The following VPS13B variants were observed in gnomAD, a reference collection of about 807,000 sequenced individuals.
The protein encoded by VPS13B is vacuolar protein sorting 13 homolog B.
Under a neutral mutation model 426.4 loss-of-function variants are expected in VPS13B, and 285 were observed. The observed-to-expected ratio is 0.67, with a 90% confidence interval of 0.61 to 0.74. VPS13B has a LOEUF of 0.74. Ranked by LOEUF, VPS13B falls within the 30% of genes least tolerant of loss-of-function variation. VPS13B has a pLI of 0.00. For missense variants in VPS13B, 4,537 were observed against 4,782.6 expected (o/e 0.95, Z 1.51); for synonymous variants, 1,676 against 1,676.4 (o/e 1.00, Z 0.01).
At position 99,209,295 on chromosome 8, in the gene VPS13B, A is replaced by C. The variant is rs1001250483; in HGVS notation, c.2515+16238A>C. On this transcript the variant is annotated intron_variant, in intron 17 of 61. Transcript: ENST00000357162. ...AGGCTCCATCTCAAAAAAAAAACAA[A>C]ACAAAAAACAAAACCGAAATAATGC... 1.6e-4 allele frequency among the ~76,000 whole-genome samples: 24 copies of C among 151,604 alleles called. No individual in the cohort carries two copies. In the East Asian group the frequency reaches 4.4e-3, roughly 28 times the overall value.
chr8:99,193,140 T>A, intron 17 of VPS13B, 83 bp downstream of exon 17: 4 of 1,344,338 alleles, frequency 3.0e-6, no homozygotes, highest in Non-Finnish European at 3.1e-6. Flanking sequence ...TCCATATGTC[T>A]AGCATGGTCA....
At chr8:99,510,790 G>C (rs1056424270) in intron 28 of VPS13B, among the ~76,000 whole-genome samples, 9 of 152,142 alleles carry the variant, frequency 5.9e-5, no homozygotes, top group African/African-American at 2.2e-4. Flanking sequence ...GGGATTACAG[G>C]CATGAGCTAC....
rs1401853581 is a variant in VPS13B, at chr8:99,392,992, CATAAAGGTTT to C, written c.3082+1293_3082+1302del. On this transcript the variant is annotated intron_variant, in intron 21 of 61. Coordinates refer to ENST00000357162, the MANE Select transcript of VPS13B (RefSeq NM_152564.5). The stretch of plus-strand genomic sequence containing the variant: ...TTTAAGAGTTAGAGTTTAGGTTTTA[CATAAAGGTTT>C]ATAATTGAGCTGTTAATTTACATAA... 2.3e-4 allele frequency among the ~76,000 whole-genome samples: 35 copies of C among 151,778 alleles called. No individual in the cohort carries two copies. In the East Asian group the frequency reaches 3.7e-3, roughly 16 times the overall value.
At chr8:99,537,975 T>C (rs563275507) in intron 30 of VPS13B, among the ~76,000 whole-genome samples, 1 of 152,314 alleles carries the variant, frequency 6.6e-6, no homozygotes. Flanking sequence ...ATCGACCTAG[T>C]GATTGTGATT....
In VPS13B at chr8:99,861,943, C is replaced by A; in HGVS notation, c.11212C>A (p.Leu3738Ile). 6.3e-7 allele frequency: 1 copy of A among 1,590,446 alleles called. No homozygotes were observed. The highest frequency in any genetic ancestry group is 8.5e-7 in the Non-Finnish European group (1 of 1,170,234). ...CCTGTCCCGGCTGGGCATCAGCCTG[C>A]TTGGTAAGGGGCTGCGGGGCCTCCC... is the stretch of plus-strand genomic sequence containing the variant. ...QGLSRLGISL[L>I]GAIAGIVDQP... is the part of the protein sequence containing the mutation. The change falls in exon 58 of 62, where the codon CTT becomes ATT. Residue 3738 changes from leucine (L) to isoleucine (I), a missense_variant. By Grantham distance (5) the Leu-to-Ile change is conservative (BLOSUM62 2). Coordinates refer to ENST00000357162, the MANE Select transcript of VPS13B (RefSeq NM_152564.5).
intron 17 of VPS13B, among the ~76,000 whole-genome samples, chr8:99,215,518 A>G (rs1385140218): frequency 2.6e-5 from 4 of 152,204 alleles, no homozygotes; most frequent in Non-Finnish European, 5.9e-5. Flanking sequence ...GCAATGTAGT[A>G]AGGATACATA....
intron 3 of VPS13B, among the ~76,000 whole-genome samples, chr8:99,044,853 T>C (rs1477764421): frequency 1.4e-5 from 2 of 139,792 alleles, no homozygotes; most frequent in African/African-American, 5.5e-5. Context: ...TTCCATTTTA[T>C]ACACACACAC....
At chr8:99,253,147 T>C (rs563942018) in intron 17 of VPS13B, among the ~76,000 whole-genome samples, 1 of 152,286 alleles carries the variant, frequency 6.6e-6, no homozygotes, top group South Asian at 2.1e-4. Context: ...AGTTTATTCT[T>C]GTTGTAGTAT....
intron 54 of VPS13B, among the ~76,000 whole-genome samples, chr8:99,840,980 A>T (rs1455398103): frequency 6.6e-6 from 1 of 152,158 alleles, no homozygotes; most frequent in Non-Finnish European, 1.5e-5. Context: ...GTTGGCACTG[A>T]CTTCTGAATG....
chr8:99,320,709 A>G (rs1809927862), intron 19 of VPS13B, among the ~76,000 whole-genome samples: 1 of 152,232 alleles, frequency 6.6e-6, no homozygotes, highest in African/African-American at 2.4e-5. Context: ...CCTTACAAGT[A>G]TTTTATCCCA....
Position 99,853,660 on chromosome 8 carries a change from G to C in VPS13B, c.10271G>C (p.Cys3424Ser). 2 of 1,614,010 alleles carry C rather than the reference G, an allele frequency of 1.2e-6. No individual in the cohort carries two copies. The highest frequency in any genetic ancestry group is 1.7e-6 in the Non-Finnish European group (2 of 1,179,998). Residue 3424 changes from cysteine to serine, a missense_variant, in exon 56 of 62, where the codon TGT (cysteine) becomes TCT (serine). By Grantham distance (112) the Cys-to-Ser change is moderately radical. Around this residue, in one of 2 missense-constraint regions of VPS13B, gnomAD observed 4,311 missense variants for 4,474.3 expected, o/e 0.96. Coordinates refer to ENST00000357162, the MANE Select transcript of VPS13B (RefSeq NM_152564.5). ...GAACTTTACTGTGTGGAGATCTGCTGTGGGGACCTGCAGCTAGACAACCAG... is the reference window on the plus strand; with the variant it reads ...GAACTTTACTGTGTGGAGATCTGCTCTGGGGACCTGCAGCTAGACAACCAG... ...LFELYCVEIC[C>S]GDLQLDNQLY...
intron 21 of VPS13B, among the ~76,000 whole-genome samples, chr8:99,409,094 C>T (rs1815484207): frequency 6.6e-6 from 1 of 152,162 alleles, no homozygotes; most frequent in Non-Finnish European, 1.5e-5. Flanking sequence ...AATCAGCCAC[C>T]TTCCATTTAG....
chr8:99,783,566 A>T (rs1427919926), intron 42 of VPS13B, among the ~76,000 whole-genome samples: 2 of 152,214 alleles, frequency 1.3e-5, no homozygotes, highest in African/African-American at 4.8e-5. Context: ...TAAATGAGAA[A>T]GGAGTTATCA....
At chr8:99,224,789 A>G (rs757405663) in intron 17 of VPS13B, among the ~76,000 whole-genome samples, 1 of 152,030 alleles carries the variant, frequency 6.6e-6, no homozygotes, top group East Asian at 1.9e-4. Flanking sequence ...TCTTCTTTTC[A>G]TAACATTATG....
intron 3 of VPS13B, among the ~76,000 whole-genome samples, chr8:99,072,450 T>C (rs1022092010): frequency 1.3e-5 from 2 of 152,110 alleles, no homozygotes; most frequent in African/African-American, 4.8e-5. Context: ...GGCATCCAAG[T>C]TGCATGACAA....
At chr8:99,828,784 G>C (rs547711278) in intron 51 of VPS13B, among the ~76,000 whole-genome samples, 1 of 152,250 alleles carries the variant, frequency 6.6e-6, no homozygotes, top group African/African-American at 2.4e-5. Context: ...GCTCTTGTAA[G>C]GCAGACCTGG....
At chr8:99,101,290 C>T (rs540353000) in intron 4 of VPS13B, among the ~76,000 whole-genome samples, 14 of 152,182 alleles carry the variant, frequency 9.2e-5, no homozygotes, top group African/African-American at 3.4e-4. Context: ...TGCCACCACG[C>T]CCGGCTAATT....
At chr8:99,050,448 G>A (rs1485388856) in intron 3 of VPS13B, among the ~76,000 whole-genome samples, 1 of 152,098 alleles carries the variant, frequency 6.6e-6, no homozygotes, top group Non-Finnish European at 1.5e-5. Context: ...TGGACATGTG[G>A]GTTGGTTCCA....
At chr8:99,252,812 T>TA (rs1817568065) in intron 17 of VPS13B, among the ~76,000 whole-genome samples, 1 of 152,066 alleles carries the variant, frequency 6.6e-6, no homozygotes, top group Non-Finnish European at 1.5e-5. Flanking sequence ...ACCAGTTTTT[T>TA]TAAAAAAAAA....
Sources: allele counts gnomAD v4.1 joint callset (sites outside exome capture counted in the v4.1 genomes callset), GRCh38; gene constraint gnomAD v4.1.1; regional missense constraint gnomAD v4.1.1; transcripts MANE v1.5; gene names NCBI Gene and HGNC (gene_info 2026-07-23, HGNC 2026-07-21).